GDAP1L1: variants seen among roughly 807,000 people sequenced by gnomAD.
GDAP1L1 encodes the protein ganglioside-induced differentiation-associated protein 1-like 1.
Under a neutral mutation model 37.1 loss-of-function variants are expected in GDAP1L1, and 21 were observed. The observed-to-expected ratio is 0.57, with a 90% confidence interval of 0.40 to 0.81. The LOEUF (loss-of-function observed/expected upper bound fraction) is 0.81. Among genes scored for constraint, GDAP1L1 ranks in the 40% least tolerant of loss-of-function variants. GDAP1L1 has a pLI of 0.00. For missense variants in GDAP1L1, 362 were observed against 491.6 expected, an observed-to-expected ratio of 0.74 and a Z score of 2.49; for synonymous variants, 193 against 209.1, an observed-to-expected ratio of 0.92 and a Z score of 0.67.
At chr20:44,265,318 T>TC in intron 5 of GDAP1L1, 1 of 985,298 alleles carries the variant, frequency 1.0e-6, no homozygotes, top group Non-Finnish European at 1.2e-6. Context: ...ACCACTCCAC[T>TC]CCATTTTGCC....
chr20:44,279,228 G>A lies in GDAP1L1; in HGVS notation c.1032G>A (p.Ala344=), dbSNP rs150211446. The A allele has an allele frequency of 5.4e-5, 87 of 1,613,924 alleles. No individual in the cohort carries two copies. Among genetic ancestry groups the A allele is most frequent in the African/African-American group, 1.5e-4 (11 of 74,872 alleles). The change falls in exon 6 of 6, where the codon GCG becomes GCA. Residue 344 remains alanine, a synonymous_variant. Coordinates refer to ENST00000342560, the MANE Select transcript of GDAP1L1 (RefSeq NM_024034.6). ...VKRKPPSFFG[A]SFLMGSLGGM... The stretch of plus-strand genomic sequence containing the variant: ...GGAAACCCCCATCCTTCTTCGGGGC[G>A]TCCTTCCTCATGGGCTCCCTGGGTG...
At chr20:44,278,790 T>C (rs569634893) in intron 5 of GDAP1L1, among the ~76,000 whole-genome samples, 167 bp from the exon 6 acceptor site, 2 of 152,120 alleles carry the variant, frequency 1.3e-5, no homozygotes, top group South Asian at 4.2e-4. Flanking sequence ...AAAATAATAA[T>C]AGAAGTAGCA....
intron 5 of GDAP1L1, among the ~76,000 whole-genome samples, chr20:44,277,579 T>C (rs1345254522): frequency 6.6e-6 from 1 of 152,162 alleles, no homozygotes; most frequent in Non-Finnish European, 1.5e-5. Flanking sequence ...GCCACAACAG[T>C]GCATCATCAT....
At chr20:44,253,586 CA>C (rs1384890968) in intron 1 of GDAP1L1, among the ~76,000 whole-genome samples, 5 of 152,178 alleles carry the variant, frequency 3.3e-5, no homozygotes, top group Admixed American at 6.5e-5. Context: ...GATTTTCAGG[CA>C]CCAACAGGGA....
At chr20:44,273,005 T>C (rs1445654430) in intron 5 of GDAP1L1, among the ~76,000 whole-genome samples, 5 of 152,228 alleles carry the variant, frequency 3.3e-5, no homozygotes, top group African/African-American at 9.6e-5. Context: ...AAAGAACTCA[T>C]GTACTGAAAG....
In GDAP1L1 at chr20:44,260,699, T is replaced by C. The variant is rs537000216; in HGVS notation, c.547+2092T>C. On this transcript the variant is annotated intron_variant, in intron 3 of 5. Coordinates refer to ENST00000342560, the MANE Select transcript of GDAP1L1 (RefSeq NM_024034.6). ...GGTAGAAGGGGAGAAAGAGGGAGAA[T>C]TATTTCACATTCTGGAGTAGGACAG... 3.9e-5 allele frequency among the ~76,000 whole-genome samples: 6 copies of C among 151,942 alleles called. No homozygotes were observed. In the East Asian group the frequency reaches 5.8e-4, roughly 15 times the overall value.
At chr20:44,276,500 A>T (rs2062584109) in intron 5 of GDAP1L1, among the ~76,000 whole-genome samples, 1 of 151,038 alleles carries the variant, frequency 6.6e-6, no homozygotes, top group Non-Finnish European at 1.5e-5. Context: ...GCAGGGAGGG[A>T]GGGAAGAAAG....
chr20:44,260,944 G>A (rs2073662818), intron 3 of GDAP1L1, among the ~76,000 whole-genome samples: 1 of 152,212 alleles, frequency 6.6e-6, no homozygotes, highest in South Asian at 2.1e-4. Context: ...GTAGGCCCTG[G>A]CTGTTGGTAG....
At position 44,257,167 on chromosome 20, in the gene GDAP1L1, C is replaced by T. The variant is rs141524592; in HGVS notation, c.195C>T (p.Ile65=). 6.7e-5 allele frequency: 106 copies of T among 1,593,098 alleles called. No homozygotes were observed. Among genetic ancestry groups the T allele is most frequent in the East Asian group, 1.1e-4 (5 of 43,884 alleles). The change falls in exon 2 of 6, where the codon ATC becomes ATT. Residue 65 remains isoleucine (I), a synonymous_variant. Coordinates refer to ENST00000342560, the MANE Select transcript of GDAP1L1 (RefSeq NM_024034.6). ...SFSSQKVRLV[I]AEKGLVCEER... ...GGCGCCTGCAGGTGCGGCTGGTGAT[C>T]GCCGAGAAGGGCCTGGTGTGCGAGG...
chr20:44,263,429 G>A lies in GDAP1L1; in HGVS notation c.645+102G>A, dbSNP rs540175423. On this transcript the variant is annotated intron_variant, in intron 4 of 5. Transcript: ENST00000342560. ...AGAAGATCAGCTGATGATATGAAAT[G>A]GAAAAGCCCCTGGCTTGCTTTTCCA... The A allele has an allele frequency of 1.2e-4, 106 of 879,154 alleles. No individual in the cohort carries two copies. In the South Asian group the frequency reaches 1.5e-3, roughly 13 times the overall value. The allele number at this position is 879,154 out of a possible 1,614,324, so 54.5% of individuals were successfully genotyped here.
At chr20:44,270,212 CCAGGCTGGAGTG>C (rs1158837675) in intron 5 of GDAP1L1, among the ~76,000 whole-genome samples, 15 of 144,866 alleles carry the variant, frequency 1.0e-4, no homozygotes, top group Non-Finnish European at 2.0e-4. Context: ...GCTCTGTCGC[CCAGGCTGGAGTG>C]CAGTGGCGGG....
chr20:44,272,083 C>T lies in GDAP1L1; in HGVS notation c.761-6874C>T, dbSNP rs1235457574. On this transcript the variant is annotated intron_variant, in intron 5 of 5. Transcript: ENST00000342560. The stretch of plus-strand genomic sequence containing the variant: ...CTCTCCCGCCCCTGCTTCCTACTTG[C>T]CTAACTTTCCGAAGCCAGAGGGCAT... Among the ~76,000 whole-genome samples, 5 of 152,292 alleles carry T rather than the reference C, an allele frequency of 3.3e-5. No homozygotes were observed. In the East Asian group the frequency reaches 7.7e-4, roughly 24 times the overall value.
chr20:44,249,480 C>T (rs2073398133), intron 1 of GDAP1L1, among the ~76,000 whole-genome samples: 2 of 152,206 alleles, frequency 1.3e-5, no homozygotes, highest in African/African-American at 4.8e-5. Context: ...GGAGATGAAT[C>T]AGACTGCCCT....
At chr20:44,258,068 G>A in intron 2 of GDAP1L1, 1 of 680,254 alleles carries the variant, frequency 1.5e-6, no homozygotes, top group South Asian at 1.6e-5. Context: ...GGGCATCAGG[G>A]CCCAGACATG....
intron 5 of GDAP1L1, chr20:44,265,580 G>T (rs1473463474): frequency 1.4e-6 from 1 of 726,588 alleles, no homozygotes; most frequent in African/African-American, 1.9e-5. Flanking sequence ...ATGTAACCTT[G>T]GACAAGTTGC....
chr20:44,258,122 T>A, intron 2 of GDAP1L1: 1 of 716,716 alleles, frequency 1.4e-6, no homozygotes. Flanking sequence ...CATTTAAAAG[T>A]CAAGGGGACC....
intron 5 of GDAP1L1, among the ~76,000 whole-genome samples, chr20:44,272,822 C>G (rs1023853779): frequency 3.0e-4 from 46 of 152,216 alleles, no homozygotes; most frequent in African/African-American, 1.1e-3. Context: ...TGGGCTTAAA[C>G]TGCACTCACA....
In GDAP1L1 at chr20:44,279,182, A is replaced by G. The variant is rs368705225; in HGVS notation, c.986A>G (p.Asn329Ser). ...ACCCTGCTGTCGGCCGTCATCCCCA[A>G]TGCTTTCCGGCTGGTCAAGAGGAAA... ...HTTLLSAVIP[N>S]AFRLVKRKPP... Residue 329 changes from asparagine to serine, a missense_variant, in exon 6 of 6, where the codon AAT (asparagine) becomes AGT (serine). By Grantham distance (46) the Asn-to-Ser change is conservative. Transcript: ENST00000342560. The G allele has an allele frequency of 3.2e-4, 511 of 1,614,104 alleles. 4 individuals carry two copies. The highest frequency in any genetic ancestry group is 2.8e-3 in the South Asian group (254 of 91,076).
At chr20:44,253,131 T>C (rs1200960785) in intron 1 of GDAP1L1, among the ~76,000 whole-genome samples, 1 of 152,178 alleles carries the variant, frequency 6.6e-6, no homozygotes. Context: ...CGATTCCCCT[T>C]CCCTGCTCTA....
Sources: allele counts gnomAD v4.1 joint callset (sites outside exome capture counted in the v4.1 genomes callset), GRCh38; gene constraint gnomAD v4.1.1; transcripts MANE v1.5; gene names NCBI Gene and HGNC (gene_info 2026-07-23, HGNC 2026-07-21).